Variants in TMPRSS2 observed in about 807,000 individuals in gnomAD.
The protein encoded by TMPRSS2 is transmembrane serine protease 2.
Under a neutral mutation model 67.4 loss-of-function variants are expected in TMPRSS2, and 59 were observed. That is an observed-to-expected ratio of 0.88 (90% CI 0.71 to 1.09). The LOEUF is 1.09. Ranked by LOEUF, TMPRSS2 falls within the 50% of genes least tolerant of loss-of-function variation. The probability of loss-of-function intolerance (pLI) is 0.00; values close to 1 mark genes in which losing one functional copy is unlikely to be tolerated. For synonymous variants in TMPRSS2, 257 were observed against 257.0 expected, an observed-to-expected ratio of 1.00 and a Z score of 0.00; for missense variants, 668 against 642.7, an observed-to-expected ratio of 1.04 and a Z score of -0.43.
At chr21:41,467,456 C>T (rs971721936) in intron 13 of TMPRSS2, among the ~76,000 whole-genome samples, 4 of 151,542 alleles carry the variant, frequency 2.6e-5, no homozygotes, top group African/African-American at 4.9e-5. Flanking sequence ...TGAGCCAGAA[C>T]GAAGTGTGGT....
In TMPRSS2 at chr21:41,464,475, C is replaced by G. The variant is rs746879913; in HGVS notation, c.*1667G>C. On this transcript the variant is annotated 3_prime_UTR_variant, in exon 14 of 14. Transcript: ENST00000332149. ...GCCTCACCTTTGGTCCTCTGACCAG[C>G]AGCCTCAACATCACCCCCTTATAAG... 9.8e-5 allele frequency: 19 copies of G among 193,844 alleles called. No individual in the cohort carries two copies. The highest frequency in any genetic ancestry group is 1.9e-4 in the Non-Finnish European group (18 of 92,908). 12.0% of individuals were successfully genotyped at this position (193,844 alleles called of 1,614,324 possible).
chr21:41,499,691 C>T (rs1309201766), intron 1 of TMPRSS2, among the ~76,000 whole-genome samples: 1 of 152,172 alleles, frequency 6.6e-6, no homozygotes, highest in Non-Finnish European at 1.5e-5. Flanking sequence ...TGTACTCAAG[C>T]GGATCCCAGT....
rs2091071404 is a variant in TMPRSS2, at chr21:41,464,791, T to A, written c.*1351A>T. ...GGGAATGCTGCTCTCTACAGAGGCA[T>A]GTGCACAGACAGATCCTGCAAATGG... On this transcript the variant is annotated 3_prime_UTR_variant, in exon 14 of 14. Coordinates refer to ENST00000332149, the MANE Select transcript of TMPRSS2 (RefSeq NM_005656.4). 4.3e-6 allele frequency: 1 copy of A among 233,210 alleles called. No individual in the cohort carries two copies. Among genetic ancestry groups the A allele is most frequent in the South Asian group, 1.8e-4 (1 of 5,534 alleles). 14.4% of individuals were successfully genotyped at this position (233,210 alleles called of 1,614,324 possible). A position where few individuals can be genotyped will look rare whatever the true frequency, so the allele number is the denominator to read the frequency against.
rs1291146079 is a variant in TMPRSS2, at chr21:41,470,709, G to A, written c.1110C>T (p.Gly370=). The A allele has an allele frequency of 6.2e-7, 1 of 1,613,574 alleles. No individual in the cohort carries two copies. Among genetic ancestry groups the A allele is most frequent in the Non-Finnish European group, 8.5e-7 (1 of 1,179,972 alleles). The stretch of plus-strand genomic sequence containing the variant: ...AGAGCTGTTCTGGCTGCAGCATCAT[G>A]CCTGGGTTGGGCAGACACACTGGTT... ...LVKPVCLPNP[G]MMLQPEQLCW... Residue 370 remains glycine, a synonymous_variant, in exon 11 of 14, where the codon GGC becomes GGT. Transcript: ENST00000332149.
chr21:41,488,640 GT>G (rs770835852), intron 4 of TMPRSS2, 127 bp from the exon 5 acceptor site: 15 of 1,114,666 alleles, frequency 1.3e-5, no homozygotes, highest in Non-Finnish European at 3.8e-6. Context: ...ACTGTGTTTT[GT>G]TTTGTTTTGT....
chr21:41,497,969 T>C, intron 2 of TMPRSS2, 150 bp downstream of exon 2: 2 of 620,464 alleles, frequency 3.2e-6, no homozygotes, highest in Non-Finnish European at 5.7e-6. Context: ...CCTGACTCAC[T>C]CTTTCTAGAG....
At chr21:41,496,830 T>C (rs1484509492) in intron 2 of TMPRSS2, among the ~76,000 whole-genome samples, 4 of 12,794 alleles carry the variant, frequency 3.1e-4, no homozygotes, top group African/African-American at 7.6e-4. Flanking sequence ...CTCTCTCTCC[T>C]TTTTTTTTTT....
At chr21:41,485,132 G>A (rs943347370) in intron 5 of TMPRSS2, among the ~76,000 whole-genome samples, 2 of 151,222 alleles carry the variant, frequency 1.3e-5, no homozygotes, top group African/African-American at 2.4e-5. Flanking sequence ...GGTGTATGGG[G>A]GGATGCGGGG....
intron 2 of TMPRSS2, among the ~76,000 whole-genome samples, chr21:41,494,866 C>T (rs1051874801): frequency 2.0e-5 from 3 of 151,562 alleles, no homozygotes; most frequent in East Asian, 1.9e-4. Flanking sequence ...GTCAGGAGAT[C>T]GAGACCATCG....
chr21:41,504,352 C>T (rs2091443337), intron 1 of TMPRSS2, among the ~76,000 whole-genome samples: 1 of 152,236 alleles, frequency 6.6e-6, no homozygotes, highest in Non-Finnish European at 1.5e-5. Flanking sequence ...CCTCACCTCC[C>T]TCTCCCAGAC....
intron 1 of TMPRSS2, among the ~76,000 whole-genome samples, chr21:41,505,479 A>G (rs1010643391): frequency 2.0e-5 from 3 of 152,168 alleles, no homozygotes; most frequent in Non-Finnish European, 4.4e-5. Flanking sequence ...GCACGCATCT[A>G]CCTTTTCACC....
chr21:41,489,457 C>G, intron 4 of TMPRSS2, 50 bp downstream of exon 4: 1 of 1,524,456 alleles, frequency 6.6e-7, no homozygotes, highest in Non-Finnish European at 9.1e-7. Flanking sequence ...TGGCTCAGAG[C>G]ACTGGGGACT....
rs750849082 is a variant in TMPRSS2 at position 41,473,444 on chromosome 21, C to T, written c.780G>A (p.Glu260=). The change falls in exon 9 of 14, where the codon GAG becomes GAA. Residue 260 remains glutamate, a synonymous_variant. Coordinates refer to ENST00000332149, the MANE Select transcript of TMPRSS2 (RefSeq NM_005656.4). ...AGGGCCAGGCCCCCGGGAGCGCGCT[C>T]TCGCCGCCCACAATCCTGCTCTGGC... ...SSRQSRIVGG[E]SALPGAWPWQ... is the part of the protein sequence containing the mutation. The T allele has an allele frequency of 6.2e-7, 1 of 1,610,342 alleles. No individual in the cohort carries two copies. The highest frequency in any genetic ancestry group is 8.5e-7 in the Non-Finnish European group (1 of 1,179,116).
At chr21:41,500,951 T>C (rs754823618) in intron 1 of TMPRSS2, among the ~76,000 whole-genome samples, 1 of 152,226 alleles carries the variant, frequency 6.6e-6, no homozygotes, top group East Asian at 1.9e-4. Context: ...CACATCCTCA[T>C]GCCTCTGGTT....
chr21:41,507,287 GCCC>G (rs2091464370), intron 1 of TMPRSS2, among the ~76,000 whole-genome samples: 1 of 152,158 alleles, frequency 6.6e-6, no homozygotes, highest in Non-Finnish European at 1.5e-5. Flanking sequence ...GGACCGAAGC[GCCC>G]AGGTGCCCCG....
chr21:41,501,703 A>T (rs890889371), intron 1 of TMPRSS2, among the ~76,000 whole-genome samples: 7 of 151,988 alleles, frequency 4.6e-5, no homozygotes, highest in African/African-American at 7.2e-5. Flanking sequence ...CTGACATTAG[A>T]TCTGCAAGGG....
intron 3 of TMPRSS2, 110 bp downstream of exon 3, chr21:41,494,246 G>A (rs2146482529): frequency 5.2e-6 from 6 of 1,161,010 alleles, no homozygotes; most frequent in Middle Eastern, 2.3e-4. Flanking sequence ...GAGGAGAAGG[G>A]TCAGACCAGG....
At chr21:41,503,588 A>G (rs1346877739) in intron 1 of TMPRSS2, among the ~76,000 whole-genome samples, 2 of 152,258 alleles carry the variant, frequency 1.3e-5, no homozygotes, top group African/African-American at 4.8e-5. Flanking sequence ...TACCAGAATC[A>G]TGATCAGAAT....
chr21:41,472,203 G>A (rs7364088), intron 9 of TMPRSS2, among the ~76,000 whole-genome samples: 41,442 of 148,944 alleles, frequency 0.28, 6,064 homozygotes, highest in East Asian at 0.4. Flanking sequence ...CTTCTTTCTG[G>A]CTCTTGCATC....
Sources: gnomAD v4.1 joint callset for allele counts (sites outside exome capture counted in the v4.1 genomes callset) on GRCh38, gnomAD v4.1.1 for gene constraint, MANE v1.5 for transcripts, NCBI Gene and HGNC (gene_info 2026-07-23, HGNC 2026-07-21) for gene names.